ADA2: variants seen among roughly 807,000 people sequenced by gnomAD.
ADA2 encodes the protein adenosine deaminase 2, also known as adenosine deaminase CECR1.
In ADA2, 29 loss-of-function variants were observed where a neutral mutation model predicts 44.2. That is an observed-to-expected ratio of 0.66 (90% confidence interval 0.49 to 0.89). ADA2 has a LOEUF of 0.89. Ranked by LOEUF, ADA2 falls within the 40% of genes least tolerant of loss-of-function variation. The pLI is 0.00. For synonymous variants in ADA2, 215 were observed against 234.9 expected (o/e 0.92, Z 0.77); for missense variants, 637 against 644.8 (o/e 0.99, Z 0.13).
rs764272495 is a variant in ADA2 at position 17,207,036 on chromosome 22, G to T, written c.542+35C>A. ...ACCTACCCACTGCCACCCCATGACA[G>T]GCCTGGGACATGTGCTTTCTGAACT... On this transcript the variant is annotated intron_variant, in intron 3 of 9. Coordinates refer to ENST00000399837, the MANE Select transcript of ADA2 (RefSeq NM_001282225.2). The T allele has an allele frequency of 2.6e-6, 4 of 1,548,348 alleles. No individual in the cohort carries two copies. The Admixed American group carries it at 6.7e-5, about 26-fold the overall frequency.
intron 1 of ADA2, chr22:17,213,382 T>G (rs1219864300): frequency 6.1e-6 from 1 of 163,720 alleles, no homozygotes; most frequent in East Asian, 1.9e-4. Flanking sequence ...AAGGGATACC[T>G]GTACTCGGAT....
upstream of ADA2, among the ~76,000 whole-genome samples, chr22:17,220,221 C>T (rs377548007): frequency 4.0e-5 from 6 of 150,710 alleles, no homozygotes; most frequent in African/African-American, 4.9e-5. Flanking sequence ...ATCAGGGATG[C>T]GGGGACAGGA....
At chr22:17,211,162 C>T (rs1433973858) in intron 1 of ADA2, among the ~76,000 whole-genome samples, 21 of 151,954 alleles carry the variant, frequency 1.4e-4, no homozygotes, top group Admixed American at 9.8e-4. Context: ...GAGTTTGAGA[C>T]CAGCCTGGCC....
chr22:17,221,019 T>C (rs952235054), upstream of ADA2, among the ~76,000 whole-genome samples: 33 of 152,066 alleles, frequency 2.2e-4, no homozygotes, highest in African/African-American at 7.7e-4. Flanking sequence ...GGTGCGCACC[T>C]GTAATCCCAG....
At chr22:17,197,175 T>G (rs898406696) in intron 4 of ADA2, among the ~76,000 whole-genome samples, 1 of 152,078 alleles carries the variant, frequency 6.6e-6, no homozygotes, top group African/African-American at 2.4e-5. Context: ...ATGGGGAAAT[T>G]TGGGAGCAGA....
In ADA2 at chr22:17,207,658, A is replaced by T. The variant is rs867514412; in HGVS notation, c.323-368T>A. On this transcript the variant is annotated intron_variant, in intron 2 of 9. Transcript: ENST00000399837. ...CAGCATGGGAGAGTGAGAGGGCATC[A>T]GGCTTGGAACCAGAGAACTGAGGTT... 7.9e-5 allele frequency among the ~76,000 whole-genome samples: 12 copies of T among 152,158 alleles called. No homozygotes were observed. In the South Asian group the frequency reaches 2.5e-3, roughly 32 times the overall value.
upstream of ADA2, chr22:17,221,760 C>T (rs1474582563): frequency 2.0e-5 from 3 of 151,990 alleles, no homozygotes; most frequent in Admixed American, 1.3e-4. Context: ...GAATCAGAGC[C>T]CAGTTAGATC....
chr22:17,184,885 C>T lies in ADA2; in HGVS notation c.1082-2124G>A, dbSNP rs1191020299. ...TGGAGGCTGTAGTGAGCTGTGATCACGCCACCACACTCTAGCCTGGGTGAC... is the reference window on the plus strand; with the variant it reads ...TGGAGGCTGTAGTGAGCTGTGATCATGCCACCACACTCTAGCCTGGGTGAC... On this transcript the variant is annotated intron_variant, in intron 7 of 9. Coordinates refer to ENST00000399837, the MANE Select transcript of ADA2 (RefSeq NM_001282225.2). Among the ~76,000 whole-genome samples, 15 of 108,282 alleles carry T rather than the reference C, an allele frequency of 1.4e-4. No individual in the cohort carries two copies. The South Asian group carries it at 2.6e-3, about 19-fold the overall frequency. The allele number at this position is 108,282 out of a possible 152,430, so 71.0% of individuals were successfully genotyped here.
chr22:17,201,409 A>G (rs2062286139), intron 4 of ADA2, among the ~76,000 whole-genome samples: 2 of 152,198 alleles, frequency 1.3e-5, no homozygotes, highest in South Asian at 4.1e-4. Flanking sequence ...AAAAGCCTAC[A>G]GAATATGCTA....
intron 1 of ADA2, chr22:17,209,989 C>G: frequency 3.4e-6 from 1 of 292,338 alleles, no homozygotes; most frequent in Non-Finnish European, 6.3e-6. Context: ...CTCCTGGGTT[C>G]ACACCATTCT....
intron 5 of ADA2, 80 bp from the exon 6 acceptor site, chr22:17,190,112 G>A (rs1262433569): frequency 1.3e-5 from 15 of 1,155,258 alleles, no homozygotes; most frequent in Non-Finnish European, 1.4e-5. Context: ...CTCCGTGCAG[G>A]GCTGGGCCAG....
chr22:17,207,279 G>A lies in ADA2; in HGVS notation c.334C>T (p.His112Tyr), dbSNP rs773226219. The change falls in exon 3 of 10, where the codon CAC becomes TAC. Residue 112 changes from histidine to tyrosine, a missense_variant. Physicochemically the swap from His to Tyr is moderately conservative, Grantham distance 83. Transcript: ENST00000399837. ...LRMMPKGAAL[H>Y]LHDIGIVTMD... ...GTCACGATGCCAATGTCATGGAGGTGCAAGGCAGCCCCTGGAGAGGGAAGA... is the reference window on the plus strand; with the variant it reads ...GTCACGATGCCAATGTCATGGAGGTACAAGGCAGCCCCTGGAGAGGGAAGA... 3 of 1,605,338 alleles carry A rather than the reference G, an allele frequency of 1.9e-6. No homozygotes were observed. The highest frequency in any genetic ancestry group is 2.2e-5 in the South Asian group (2 of 90,892).
In ADA2 at chr22:17,181,490, G is replaced by A; in HGVS notation, c.1529C>T (p.Thr510Ile). The A allele has an allele frequency of 6.2e-7, 1 of 1,608,810 alleles. No individual in the cohort carries two copies. The highest frequency in any genetic ancestry group is 8.5e-7 in the Non-Finnish European group (1 of 1,175,172). The change falls in exon 10 of 10, where the codon ACA becomes ATA. Residue 510 changes from threonine to isoleucine, a missense_variant. Physicochemically the swap from Thr to Ile is moderately conservative, Grantham distance 89 (BLOSUM62 -1). Coordinates refer to ENST00000399837, the MANE Select transcript of ADA2 (RefSeq NM_001282225.2). The part of the protein sequence containing the change: ...RWDKFIADVA[T>I]K Reference sequence around the variant, plus strand: ...GGGCTGGCTAGCTTCTCCTCACTTTGTAGCCACATCTGCTATGAACTTATC... The same window carrying A: ...GGGCTGGCTAGCTTCTCCTCACTTTATAGCCACATCTGCTATGAACTTATC...
chr22:17,199,664 A>C (rs2062248942), intron 4 of ADA2: 1 of 1,609,208 alleles, frequency 6.2e-7, no homozygotes. Flanking sequence ...ACGCTCAGAG[A>C]GCCCAGCGCG....
Position 17,207,107 on chromosome 22 carries a change from C to G in ADA2, c.506G>C (p.Arg169Pro), listed in dbSNP as rs77563738. 6.2e-7 allele frequency: 1 copy of G among 1,614,178 alleles called. No individual in the cohort carries two copies. ...CSKWILLEDY[R>P]KRVQNVTEFD... Reference sequence around the variant, plus strand: ...CTCAGTGACGTTCTGCACCCGCTTCCGATAATCCTCCAGCAGAATCCACTT... The same window carrying G: ...CTCAGTGACGTTCTGCACCCGCTTCGGATAATCCTCCAGCAGAATCCACTT... The change falls in exon 3 of 10, where the codon CGG (arginine) becomes CCG (proline). Residue 169 changes from arginine (R) to proline (P), a missense_variant. Arg to Pro is a moderately radical substitution (Grantham distance 103, BLOSUM62 -2). Transcript: ENST00000399837.
At chr22:17,216,875 A>G (rs2062479569) in intron 1 of ADA2, among the ~76,000 whole-genome samples, 1 of 152,114 alleles carries the variant, frequency 6.6e-6, no homozygotes, top group South Asian at 2.1e-4. Flanking sequence ...GCACAAGATC[A>G]TAAGACATGC....
At chr22:17,218,563 C>G (rs1489178019) in intron 1 of ADA2, among the ~76,000 whole-genome samples, 1 of 152,118 alleles carries the variant, frequency 6.6e-6, no homozygotes, top group Non-Finnish European at 1.5e-5. Flanking sequence ...AGCCCCGCCC[C>G]TTGTCCCTGT....
chr22:17,209,679 G>C lies in ADA2; in HGVS notation c.-2C>G, dbSNP rs537682205. The C allele has an allele frequency of 6.2e-7, 1 of 1,609,762 alleles. No individual in the cohort carries two copies. Among genetic ancestry groups the C allele is most frequent in the Admixed American group, 1.7e-5 (1 of 59,894 alleles). The stretch of plus-strand genomic sequence containing the variant: ...CTCAGATGGGCCATCCACCAACATC[G>C]GGATGCCTGGACTAGGAAAGGGCTC... On this transcript the variant is annotated 5_prime_UTR_variant, in exon 2 of 10. Transcript: ENST00000399837.
chr22:17,214,084 A>G, intron 1 of ADA2: 1 of 615,078 alleles, frequency 1.6e-6, no homozygotes, highest in Non-Finnish European at 3.0e-6. Flanking sequence ...CCACAAGCAG[A>G]GAGTGGAGGA....
Sources: allele counts gnomAD v4.1 joint callset (sites outside exome capture counted in the v4.1 genomes callset), GRCh38; gene constraint gnomAD v4.1.1; transcripts MANE v1.5; gene names NCBI Gene and HGNC (gene_info 2026-07-23, HGNC 2026-07-21).